Variants in MLLT10 observed in about 807,000 individuals in gnomAD.
The protein encoded by MLLT10 is MLLT10 histone lysine methyltransferase DOT1L cofactor, also known as protein AF-10.
Under a neutral mutation model 129.1 loss-of-function variants are expected in MLLT10, and 30 were observed. That is an observed-to-expected ratio of 0.23 (90% CI 0.17 to 0.32). The LOEUF (loss-of-function observed/expected upper bound fraction) is 0.32, where lower values mean the gene tolerates loss of function less well. Ranked by LOEUF, MLLT10 falls within the 10% of genes least tolerant of loss-of-function variation. The pLI, the probability that MLLT10 is intolerant of heterozygous loss-of-function variation, is 1.00. For missense variants in MLLT10, 1,119 were observed against 1,268.3 expected, an observed-to-expected ratio of 0.88 and a Z score of 1.79; for synonymous variants, 490 against 446.4, an observed-to-expected ratio of 1.10 and a Z score of -1.23.
intron 5 of MLLT10, among the ~76,000 whole-genome samples, chr10:21,608,728 A>C (rs1419225212): frequency 6.6e-6 from 1 of 152,058 alleles, no homozygotes; most frequent in East Asian, 1.9e-4. Context: ...TAGGTTATGT[A>C]ATCTCTATTG....
chr10:21,546,821 G>A lies in MLLT10; in HGVS notation c.240+7909G>A, dbSNP rs183670952. ...TGGCTCACCACAACTTCCGCTTCCC[G>A]GGTTCAAGCGATTGTCCTGCCTCAG... On this transcript the variant is annotated intron_variant, in intron 3 of 22. Coordinates refer to ENST00000307729, the MANE Select transcript of MLLT10 (RefSeq NM_001195626.3). 4.5e-3 allele frequency among the ~76,000 whole-genome samples: 684 copies of A among 150,916 alleles called. 5 individuals carry two copies. Among genetic ancestry groups the A allele is most frequent in the African/African-American group, 0.016 (651 of 41,060 alleles).
chr10:21,589,768 A>G (rs748368222), intron 4 of MLLT10, among the ~76,000 whole-genome samples: 1 of 152,152 alleles, frequency 6.6e-6, no homozygotes, highest in Non-Finnish European at 1.5e-5. Flanking sequence ...CAGTTTGTGT[A>G]AATTTGGTGT....
intron 3 of MLLT10, among the ~76,000 whole-genome samples, chr10:21,571,038 G>A (rs1049765950): frequency 2.6e-5 from 4 of 152,072 alleles, no homozygotes; most frequent in Non-Finnish European, 4.4e-5. Context: ...TTCTTTGACT[G>A]GACCAGGGCT....
intron 8 of MLLT10, among the ~76,000 whole-genome samples, chr10:21,650,704 A>G (rs1337790197): frequency 6.6e-6 from 1 of 152,202 alleles, no homozygotes; most frequent in Non-Finnish European, 1.5e-5. Context: ...TTCAAACAAC[A>G]GAACATTTTG....
At chr10:21,634,098 A>C (rs2047242853) in intron 8 of MLLT10, among the ~76,000 whole-genome samples, 1 of 152,072 alleles carries the variant, frequency 6.6e-6, no homozygotes. Context: ...AAACTAGCCG[A>C]GTGACGTGGC....
At chr10:21,680,013 C>G (rs563488094) in intron 11 of MLLT10, among the ~76,000 whole-genome samples, 1 of 152,156 alleles carries the variant, frequency 6.6e-6, no homozygotes, top group African/African-American at 2.4e-5. Flanking sequence ...GAGTCACAGC[C>G]TTGGTCCTAG....
intron 13 of MLLT10, among the ~76,000 whole-genome samples, chr10:21,694,035 G>A (rs2054133008): frequency 6.6e-6 from 1 of 152,022 alleles, no homozygotes; most frequent in African/African-American, 2.4e-5. Context: ...TCCCACATCC[G>A]AAAATATTTT....
chr10:21,644,743 C>T (rs7093026), intron 8 of MLLT10, among the ~76,000 whole-genome samples: 1,823 of 152,086 alleles, frequency 0.012, 37 homozygotes, highest in African/African-American at 0.041. Flanking sequence ...TTGGGTCCTC[C>T]GCCTCAACCT....
chr10:21,592,070 T>G (rs2042562017), intron 4 of MLLT10, among the ~76,000 whole-genome samples: 1 of 152,124 alleles, frequency 6.6e-6, no homozygotes, highest in African/African-American at 2.4e-5. Context: ...ATAGACTTCT[T>G]TTACCTGTTT....
At chr10:21,539,029 G>A in intron 3 of MLLT10, 117 bp downstream of exon 3, 1 of 652,998 alleles carries the variant, frequency 1.5e-6, no homozygotes, top group Non-Finnish European at 2.6e-6. Context: ...CATAATGTAA[G>A]AGATAATTTA....
At chr10:21,598,597 C>T (rs1398790906) in intron 5 of MLLT10, among the ~76,000 whole-genome samples, 12 of 152,106 alleles carry the variant, frequency 7.9e-5, no homozygotes, top group African/African-American at 2.9e-4. Context: ...ATGTAGAAAA[C>T]TGTGGGCCAG....
intron 5 of MLLT10, among the ~76,000 whole-genome samples, chr10:21,606,680 C>G (rs2044100446): frequency 6.6e-6 from 1 of 152,150 alleles, no homozygotes; most frequent in Non-Finnish European, 1.5e-5. Flanking sequence ...GACTGAATTG[C>G]TGCAATCTCA....
rs71393920 is a variant in MLLT10, at chr10:21,689,601, T to TTATA, written c.1699+7359_1699+7362dup. ...TATATATATATATAGCGTGTGTGTT[T>TTATA]TATATATATATATATATACACACAC... On this transcript the variant is annotated intron_variant, in intron 13 of 22. Transcript: ENST00000307729. Among the ~76,000 whole-genome samples the TTATA allele has an allele frequency of 2.8e-4, 36 of 130,498 alleles. No homozygotes were observed. The East Asian group carries it at 6.0e-3, about 22-fold the overall frequency. The allele number at this position is 130,498 out of a possible 152,430, so 85.6% of individuals were successfully genotyped here. A position where few individuals can be genotyped will look rare whatever the true frequency, so the allele number is the denominator to read the frequency against.
chr10:21,639,701 A>G (rs1490542359), intron 8 of MLLT10, among the ~76,000 whole-genome samples: 1 of 152,068 alleles, frequency 6.6e-6, no homozygotes. Flanking sequence ...GGGAAACCCA[A>G]GCAGGCCTGT....
At chr10:21,552,721 T>C (rs575087051) in intron 3 of MLLT10, among the ~76,000 whole-genome samples, 15 of 152,282 alleles carry the variant, frequency 9.9e-5, no homozygotes, top group South Asian at 6.2e-4. Context: ...ATAATCTGCA[T>C]GGTTATCGTA....
At chr10:21,703,445 A>G (rs1451182234) in intron 13 of MLLT10, among the ~76,000 whole-genome samples, 1 of 152,076 alleles carries the variant, frequency 6.6e-6, no homozygotes, top group Admixed American at 6.5e-5. Flanking sequence ...TTGTCTTTAG[A>G]CAACCTGAGT....
intron 11 of MLLT10, among the ~76,000 whole-genome samples, chr10:21,678,869 A>C (rs930418373): frequency 6.6e-6 from 1 of 152,198 alleles, no homozygotes; most frequent in East Asian, 1.9e-4. Context: ...CTTGTGAAAT[A>C]GGACAGCTCC....
At chr10:21,637,286 G>A (rs2047552819) in intron 8 of MLLT10, among the ~76,000 whole-genome samples, 1 of 152,146 alleles carries the variant, frequency 6.6e-6, no homozygotes, top group African/African-American at 2.4e-5. Flanking sequence ...ACTCTCATAG[G>A]ATGCATATTT....
intron 13 of MLLT10, among the ~76,000 whole-genome samples, chr10:21,707,433 C>T (rs1206922016): frequency 2.6e-5 from 4 of 151,916 alleles, no homozygotes; most frequent in African/African-American, 7.3e-5. Context: ...CCTCGTGATC[C>T]GCCCGTCTCG....
Sources: allele counts gnomAD v4.1 joint callset (sites outside exome capture counted in the v4.1 genomes callset), GRCh38; gene constraint gnomAD v4.1.1; transcripts MANE v1.5; gene names NCBI Gene and HGNC (gene_info 2026-07-23, HGNC 2026-07-21).